Variants in NLGN1 observed in about 807,000 individuals in gnomAD.
NLGN1 encodes neuroligin 1.
A neutral mutation model predicts 65.5 loss-of-function variants in NLGN1; 12 were observed. That is an observed-to-expected ratio of 0.18 (90% confidence interval 0.12 to 0.30). The LOEUF (loss-of-function observed/expected upper bound fraction) is 0.30, where lower values mean the gene tolerates loss of function less well. NLGN1 is among the 10% of genes least tolerant of loss of function. The pLI is 1.00. For synonymous variants in NLGN1, 350 were observed against 359.5 expected, an observed-to-expected ratio of 0.97 and a Z score of 0.30; for missense variants, 750 against 1,007.1, an observed-to-expected ratio of 0.74 and a Z score of 3.46.
At chr3:174,144,900 A>C (rs574197659) in intron 4 of NLGN1, among the ~76,000 whole-genome samples, 24 of 151,950 alleles carry the variant, frequency 1.6e-4, no homozygotes, top group African/African-American at 5.3e-4. Flanking sequence ...GAAGCTCTTT[A>C]GTTTAATTAG....
chr3:173,773,781 A>G (rs569774541), intron 3 of NLGN1, among the ~76,000 whole-genome samples: 1 of 152,308 alleles, frequency 6.6e-6, no homozygotes, highest in South Asian at 2.1e-4. Context: ...AAATAAAAAT[A>G]GTTATTTCAG....
At chr3:173,872,860 C>T (rs1731422361) in intron 4 of NLGN1, among the ~76,000 whole-genome samples, 1 of 152,012 alleles carries the variant, frequency 6.6e-6, no homozygotes, top group Non-Finnish European at 1.5e-5. Flanking sequence ...AACCTCTCCC[C>T]ACCCCCATTT....
At chr3:174,245,324 A>G (rs748421373) in intron 4 of NLGN1, among the ~76,000 whole-genome samples, 4 of 152,190 alleles carry the variant, frequency 2.6e-5, no homozygotes, top group Non-Finnish European at 2.9e-5. Context: ...TTTGTTTAAT[A>G]TATAAAACAT....
At chr3:174,177,547 G>A (rs941816465) in intron 4 of NLGN1, among the ~76,000 whole-genome samples, 2 of 151,958 alleles carry the variant, frequency 1.3e-5, no homozygotes, top group Non-Finnish European at 2.9e-5. Flanking sequence ...TTATAAGTCA[G>A]TGTCTTCAGC....
chr3:174,064,785 A>G (rs1410953529), intron 4 of NLGN1, among the ~76,000 whole-genome samples: 1 of 150,806 alleles, frequency 6.6e-6, no homozygotes, highest in African/African-American at 2.4e-5. Context: ...TGAAGCACTA[A>G]TTATTAGACA....
chr3:173,725,281 A>C (rs1771582128), intron 3 of NLGN1, among the ~76,000 whole-genome samples: 1 of 152,210 alleles, frequency 6.6e-6, no homozygotes, highest in East Asian at 1.9e-4. Flanking sequence ...TTTATTTTAT[A>C]GGTATGATAC....
intron 4 of NLGN1, among the ~76,000 whole-genome samples, chr3:174,023,962 A>C (rs1024214102): frequency 1.3e-5 from 2 of 152,064 alleles, no homozygotes; most frequent in Non-Finnish European, 2.9e-5. Flanking sequence ...ACCTCTGATG[A>C]CATGCAGAAG....
rs1258610254 is a variant in NLGN1 at position 173,746,565 on chromosome 3, C to G, written c.494-61115C>G. Among the ~76,000 whole-genome samples, 3 of 151,830 alleles carry G rather than the reference C, an allele frequency of 2.0e-5. No homozygotes were observed. The East Asian group carries it at 5.8e-4, about 30-fold the overall frequency. On this transcript the variant is annotated intron_variant, in intron 3 of 6. Coordinates refer to ENST00000457714, the Ensembl canonical transcript of NLGN1. Reference sequence around the variant, plus strand: ...GAATTCGAGTCTGAGTCTTAAAGCCCTTCACGAAAACCATTCTTGACTGTC... The same window carrying G: ...GAATTCGAGTCTGAGTCTTAAAGCCGTTCACGAAAACCATTCTTGACTGTC...
intron 3 of NLGN1, among the ~76,000 whole-genome samples, chr3:173,737,092 G>T (rs1336652758): frequency 1.3e-5 from 2 of 151,828 alleles, no homozygotes; most frequent in African/African-American, 4.8e-5. Flanking sequence ...AAATGCAAAA[G>T]CAAAAATCCA....
In NLGN1 at chr3:173,679,511, A is replaced by G. The variant is rs189586736; in HGVS notation, c.493+74420A>G. On this transcript the variant is annotated intron_variant, in intron 3 of 6. Coordinates refer to ENST00000457714, the Ensembl canonical transcript of NLGN1. ...AGACTGAGAAGCTAGAAAATTGGAT[A>G]GGTTATCTCCATGTGTTGGAATTGC... 7.1e-4 allele frequency among the ~76,000 whole-genome samples: 108 copies of G among 152,214 alleles called. 2 individuals carry two copies. In the East Asian group the frequency reaches 0.018, roughly 26 times the overall value.
chr3:174,006,032 C>G (rs149202809), intron 4 of NLGN1, among the ~76,000 whole-genome samples: 16 of 152,116 alleles, frequency 1.1e-4, no homozygotes, highest in Non-Finnish European at 1.9e-4. Flanking sequence ...GCCTTCACCC[C>G]CTCCAAACCT....
rs573631618 is a variant in NLGN1 at position 173,610,179 on chromosome 3, AT to A, written c.493+5090del. On this transcript the variant is annotated intron_variant, in intron 3 of 6. Coordinates refer to ENST00000457714, the Ensembl canonical transcript of NLGN1. ...ATTCTTCATATATTTTAAAGATCAC[AT>A]TCCTTGATCAATTTGCTGTGGGCTG... Among the ~76,000 whole-genome samples the A allele has an allele frequency of 5.9e-5, 9 of 152,068 alleles. No homozygotes were observed. The East Asian group carries it at 1.7e-3, about 29-fold the overall frequency.
Position 173,762,247 on chromosome 3 carries a change from T to C in NLGN1, c.494-45433T>C, listed in dbSNP as rs532572968. Among the ~76,000 whole-genome samples the C allele has an allele frequency of 1.8e-4, 28 of 152,220 alleles. No individual in the cohort carries two copies. The South Asian group carries it at 5.2e-3, about 28-fold the overall frequency. On this transcript the variant is annotated intron_variant, in intron 3 of 6. Coordinates refer to ENST00000457714, the Ensembl canonical transcript of NLGN1. ...TTCCAGGGACTCATGTTCTCCGATA[T>C]GCAAACACACTGAGTGTGACTTGCC...
chr3:173,933,031 A>T (rs2152290264), intron 4 of NLGN1, among the ~76,000 whole-genome samples: 1 of 152,284 alleles, frequency 6.6e-6, no homozygotes, highest in South Asian at 2.1e-4. Context: ...GAATCACAAG[A>T]AGTCCTAAAC....
chr3:174,076,151 A>G (rs1458308325), intron 4 of NLGN1, among the ~76,000 whole-genome samples: 1 of 152,152 alleles, frequency 6.6e-6, no homozygotes, highest in East Asian at 1.9e-4. Context: ...TGTCATTTTA[A>G]AAATAATTTA....
chr3:174,045,614 G>A (rs1168966496), intron 4 of NLGN1, among the ~76,000 whole-genome samples: 2 of 152,132 alleles, frequency 1.3e-5, no homozygotes, highest in Non-Finnish European at 2.9e-5. Flanking sequence ...GGAAGTAACT[G>A]AGACATTAGC....
At chr3:174,136,935 G>A (rs546719079) in intron 4 of NLGN1, among the ~76,000 whole-genome samples, 3 of 152,228 alleles carry the variant, frequency 2.0e-5, no homozygotes, top group African/African-American at 7.2e-5. Flanking sequence ...TAAATGGAAA[G>A]TGCATTTAAT....
chr3:173,561,807 A>C (rs894325491), intron 2 of NLGN1, among the ~76,000 whole-genome samples: 1 of 152,238 alleles, frequency 6.6e-6, no homozygotes. Flanking sequence ...TATTTAAGAC[A>C]TTATCCCTGT....
intron 2 of NLGN1, among the ~76,000 whole-genome samples, chr3:173,583,385 A>C (rs1490679501): frequency 6.6e-6 from 1 of 152,232 alleles, no homozygotes. Flanking sequence ...CCTTAGTGTT[A>C]ATAGATAAAT....
Sources: gnomAD v4.1 joint callset for allele counts (sites outside exome capture counted in the v4.1 genomes callset) on GRCh38, gnomAD v4.1.1 for gene constraint, MANE v1.5 for transcripts, NCBI Gene and HGNC (gene_info 2026-07-23, HGNC 2026-07-21) for gene names.